The following HEXD variants were observed in gnomAD, a reference collection of about 807,000 sequenced individuals.
HEXD encodes hexosaminidase D.
A neutral mutation model predicts 54.2 loss-of-function variants in HEXD; 47 were observed. That is an observed-to-expected ratio of 0.87 (90% CI 0.69 to 1.11). HEXD has a LOEUF of 1.11. Ranked by LOEUF, HEXD falls within the 50% of genes least tolerant of loss-of-function variation. HEXD has a pLI of 0.00. For synonymous variants in HEXD, 293 were observed against 287.6 expected (o/e 1.02, Z -0.19); for missense variants, 576 against 649.2 (o/e 0.89, Z 1.23).
Position 82,436,699 on chromosome 17 carries a change from C to G in HEXD, c.664C>G (p.Leu222Val), listed in dbSNP as rs550025306. The change falls in exon 7 of 13, where the codon CTC (leucine) becomes GTC (valine). Residue 222 changes from leucine (L) to valine (V), a missense_variant. Transcript: ENST00000327949. The part of the protein sequence containing the change: ...SGVPQLVEPV[L>V]WDYTADLDVH... ...GGTGCCGCAGCTGGTGGAGCCGGTG[C>G]TCTGGGACTACACGGCCGACCTGGA... The G allele has an allele frequency of 2.9e-5, 46 of 1,612,504 alleles. No homozygotes were observed. The South Asian group carries it at 4.1e-4, about 14-fold the overall frequency.
chr17:82,418,456 CT>C lies in HEXD; in HGVS notation c.-334del, dbSNP rs1436596341. The C allele has an allele frequency of 6.1e-6, 9 of 1,475,922 alleles. No individual in the cohort carries two copies. In the East Asian group the frequency reaches 2.4e-4, roughly 39 times the overall value. The allele number at this position is 1,475,922 out of a possible 1,614,324, so 91.4% of individuals were successfully genotyped here. A position where few individuals can be genotyped will look rare whatever the true frequency, so the allele number is the denominator to read the frequency against. ...CGGCCGCTCCGTTGCCCTCGGGCGC[CT>C]TGGTTGCGGCCCTCCGCTGAGGAGC... On this transcript the variant is annotated 5_prime_UTR_variant, in exon 1 of 13. The change creates a premature stop within an existing upstream ORF in the 5' untranslated region. Transcript: ENST00000327949.
At chr17:82,423,800 G>A (rs1309758969) in intron 2 of HEXD, among the ~76,000 whole-genome samples, 7 of 145,978 alleles carry the variant, frequency 4.8e-5, no homozygotes, top group South Asian at 2.2e-4. Flanking sequence ...GCGAGAGAGC[G>A]AGACTCCATC....
rs554804588 is a variant in HEXD at position 82,440,498 on chromosome 17, C to T, written c.983-499C>T. 3.1e-4 allele frequency: 116 copies of T among 377,078 alleles called. 2 individuals carry two copies. Among genetic ancestry groups the T allele is most frequent in the South Asian group, 2.6e-3 (107 of 41,622 alleles). 23.4% of individuals were successfully genotyped at this position (377,078 alleles called of 1,614,324 possible). A position where few individuals can be genotyped will look rare whatever the true frequency, so the allele number is the denominator to read the frequency against. ...TGTCCCTTGCCCACGGCCCCATCCG[C>T]CACCCGTGACTGGGGCACTTCCCTC... On this transcript the variant is annotated intron_variant, in intron 9 of 12. Transcript: ENST00000327949.
At chr17:82,423,053 A>G (rs2053283130) in intron 2 of HEXD, among the ~76,000 whole-genome samples, 1 of 151,190 alleles carries the variant, frequency 6.6e-6, no homozygotes, top group African/African-American at 2.4e-5. Context: ...GCAAAACTCC[A>G]TCTCAAAAAA....
chr17:82,419,695 AG>A, intron 1 of HEXD, 53 bp from the exon 2 acceptor site: 1 of 658,600 alleles, frequency 1.5e-6, no homozygotes, highest in Non-Finnish European at 2.7e-6. Flanking sequence ...ATAAGGAGAA[AG>A]GCAAAGGGAG....
At chr17:82,433,618 C>T in intron 4 of HEXD, 40 bp from the exon 5 acceptor site, 2 of 1,500,664 alleles carry the variant, frequency 1.3e-6, no homozygotes, top group Non-Finnish European at 1.8e-6. Flanking sequence ...ATCAGTCCAG[C>T]TCCTCCGCCC....
In HEXD at chr17:82,441,958, G is replaced by A; in HGVS notation, c.1253+69G>A. On this transcript the variant is annotated intron_variant, in intron 12 of 12. Transcript: ENST00000327949. ...TGAGAACTGCTGCTGTTGCTGACATGTCCCTCAACTAGAGAGCAGAGGGTG... is the reference window on the plus strand; with the variant it reads ...TGAGAACTGCTGCTGTTGCTGACATATCCCTCAACTAGAGAGCAGAGGGTG... The A allele has an allele frequency of 5.4e-6, 8 of 1,490,080 alleles. No homozygotes were observed. In the South Asian group the frequency reaches 7.9e-5, roughly 15 times the overall value. 92.3% of individuals were successfully genotyped at this position (1,490,080 alleles called of 1,614,324 possible).
At chr17:82,428,218 C>G (rs1014244776) in intron 3 of HEXD, 1 of 179,772 alleles carries the variant, frequency 5.6e-6, no homozygotes, top group Non-Finnish European at 1.2e-5. Flanking sequence ...CTCCTGACCT[C>G]AAGTGGTCTG....
intron 3 of HEXD, chr17:82,427,020 C>G (rs1026757304): frequency 6.6e-6 from 1 of 152,204 alleles, no homozygotes; most frequent in Admixed American, 6.5e-5. Flanking sequence ...CCTGTAGTCC[C>G]AGCTACTCGG....
At chr17:82,432,832 G>A (rs962877776) in intron 4 of HEXD, among the ~76,000 whole-genome samples, 7 of 151,444 alleles carry the variant, frequency 4.6e-5, no homozygotes, top group African/African-American at 1.7e-4. Context: ...GGGAGGCCAA[G>A]GCGGGCAGAT....
At position 82,424,551 on chromosome 17, in the gene HEXD, A is replaced by AG. The variant is rs749391922; in HGVS notation, c.194+55dup. The AG allele has an allele frequency of 1.1e-5, 16 of 1,392,822 alleles. 1 individual carries two copies. The highest frequency in any genetic ancestry group is 4.6e-5 in the South Asian group (4 of 86,334). 86.3% of individuals were successfully genotyped at this position (1,392,822 alleles called of 1,614,324 possible). On this transcript the variant is annotated intron_variant, in intron 3 of 12. Transcript: ENST00000327949. Reference sequence around the variant, plus strand: ...CAGGGGCGCGGCGTGAAAGCGGGGAAGGGGGGGTTCCGCAGGGCAGGAGGA... The same window carrying AG: ...CAGGGGCGCGGCGTGAAAGCGGGGAAGGGGGGGGTTCCGCAGGGCAGGAGGA...
intron 3 of HEXD, among the ~76,000 whole-genome samples, chr17:82,424,967 T>TAGAGAAGGCC (rs2143421006): frequency 1.4e-5 from 2 of 139,400 alleles, no homozygotes; most frequent in Admixed American, 1.4e-4. Flanking sequence ...TACAGAAGGT[T>TAGAGAAGGCC]AGAGAAGGCC....
intron 6 of HEXD, among the ~76,000 whole-genome samples, chr17:82,436,351 C>T (rs868254568): frequency 1.1e-4 from 17 of 152,346 alleles, no homozygotes; most frequent in African/African-American, 2.9e-4. Flanking sequence ...AGGGCCGTGC[C>T]GGCCTGGCAG....
At chr17:82,437,397 A>G in intron 8 of HEXD, 34 bp downstream of exon 8, 5 of 1,515,020 alleles carry the variant, frequency 3.3e-6, no homozygotes, top group Non-Finnish European at 3.5e-6. Context: ...CAGAGGGTCC[A>G]GGGCAGCTCT....
intron 2 of HEXD, chr17:82,420,540 A>G (rs2143361342): frequency 6.6e-6 from 1 of 152,380 alleles, no homozygotes; most frequent in South Asian, 2.1e-4. Context: ...CTGTGAGAGA[A>G]TAAATTTCTG....
Position 82,433,711 on chromosome 17 carries a change from C to G in HEXD, c.336C>G (p.Pro112=). 6.2e-7 allele frequency: 1 copy of G among 1,613,048 alleles called. No individual in the cohort carries two copies. The highest frequency in any genetic ancestry group is 8.5e-7 in the Non-Finnish European group (1 of 1,179,792). The change falls in exon 5 of 13, where the codon CCC becomes CCG. Residue 112 remains proline (P), a synonymous_variant. Transcript: ENST00000327949. ...ACCTGCGGGAGGTGGGCTCCTTCCC[C>G]TGCACCCTGAACCCCCACGAGGCAG... ...FAHLREVGSF[P]CTLNPHEAES...
chr17:82,432,689 G>A lies in HEXD; in HGVS notation c.283-969G>A, dbSNP rs575413530. ...CTTCCTAGGCTCCAGTGATCTTCCC[G>A]CTTCAGCCTCCCAAGTAGCTGGACC... On this transcript the variant is annotated intron_variant, in intron 4 of 12. Transcript: ENST00000327949. Among the ~76,000 whole-genome samples the A allele has an allele frequency of 7.9e-5, 12 of 151,956 alleles. No individual in the cohort carries two copies. In the South Asian group the frequency reaches 2.3e-3, roughly 29 times the overall value.
At chr17:82,421,992 C>T (rs942866423) in intron 2 of HEXD, among the ~76,000 whole-genome samples, 1 of 151,908 alleles carries the variant, frequency 6.6e-6, no homozygotes, top group East Asian at 1.9e-4. Flanking sequence ...CTGGCCAACA[C>T]AGTGTCTCTA....
rs35673634 is a variant in HEXD at position 82,435,793 on chromosome 17, C to A, written c.552C>A (p.Gly184=). ...CACACATGCGGGCGGTGGCCAGCGG[C>A]GTGAAGGCCCGGCGCCCCAGCGTGA... ...CLSHMRAVAS[G]VKARRPSVTP... is the part of the protein sequence containing the mutation. Residue 184 remains glycine (G), a synonymous_variant, in exon 6 of 13, where the codon GGC becomes GGA. Coordinates refer to ENST00000327949, the MANE Select transcript of HEXD (RefSeq NM_001330542.2). The A allele has an allele frequency of 6.2e-7, 1 of 1,612,650 alleles. No individual in the cohort carries two copies. The highest frequency in any genetic ancestry group is 2.2e-5 in the East Asian group (1 of 44,888).
Sources: gnomAD v4.1 joint callset for allele counts (sites outside exome capture counted in the v4.1 genomes callset) on GRCh38, gnomAD v4.1.1 for gene constraint, MANE v1.5 for transcripts, NCBI Gene and HGNC (gene_info 2026-07-23, HGNC 2026-07-21) for gene names.